The following ARMC8 variants were observed in gnomAD, a reference collection of about 807,000 sequenced individuals.
ARMC8 encodes armadillo repeat-containing protein 8.
ARMC8 carries 20 observed loss-of-function variants against 99.3 expected under a neutral mutation model. The ratio of observed to expected loss-of-function variants is 0.20; its 90% CI spans 0.14 to 0.29. The LOEUF (loss-of-function observed/expected upper bound fraction) is 0.29. Among genes scored for constraint, ARMC8 ranks in the 10% least tolerant of loss-of-function variants. The pLI is 1.00. For synonymous variants in ARMC8, 263 were observed against 278.3 expected (o/e 0.95, Z 0.55); for missense variants, 569 against 809.5 (o/e 0.70, Z 3.60).
At chr3:138,241,060 A>T (rs1375591198) in intron 10 of ARMC8, among the ~76,000 whole-genome samples, 1 of 152,248 alleles carries the variant, frequency 6.6e-6, no homozygotes, top group East Asian at 1.9e-4. Flanking sequence ...AAAAAAAAAG[A>T]AAAAGAAATA....
intron 1 of ARMC8, among the ~76,000 whole-genome samples, chr3:138,191,576 C>T (rs2043384190): frequency 6.6e-6 from 1 of 152,148 alleles, no homozygotes; most frequent in Non-Finnish European, 1.5e-5. Context: ...ACCATTACCA[C>T]CACTGTCAAG....
At chr3:138,274,849 A>C (rs1311971906) in intron 18 of ARMC8, among the ~76,000 whole-genome samples, 1 of 152,174 alleles carries the variant, frequency 6.6e-6, no homozygotes, top group African/African-American at 2.4e-5. Flanking sequence ...TCCAGGATAA[A>C]TAAGTGATTT....
chr3:138,242,703 TA>T (rs571161350), intron 11 of ARMC8, among the ~76,000 whole-genome samples: 89 of 152,312 alleles, frequency 5.8e-4, no homozygotes, highest in Non-Finnish European at 9.7e-4. Flanking sequence ...TTCATGAATG[TA>T]ACTGTATTTT....
intron 21 of ARMC8, among the ~76,000 whole-genome samples, chr3:138,295,595 G>C (rs2051411198): frequency 6.6e-6 from 1 of 152,226 alleles, no homozygotes; most frequent in South Asian, 2.1e-4. Context: ...AGGGACTGTG[G>C]AATGTCACTG....
At chr3:138,287,541 G>T in intron 19 of ARMC8, 2 of 414,082 alleles carry the variant, frequency 4.8e-6, no homozygotes, top group South Asian at 3.5e-5. Flanking sequence ...ATGCATATTT[G>T]TTATAGTATA....
At chr3:138,252,574 C>T (rs989501672) in intron 12 of ARMC8, among the ~76,000 whole-genome samples, 5 of 151,976 alleles carry the variant, frequency 3.3e-5, no homozygotes, top group South Asian at 2.1e-4. Flanking sequence ...CTGCCTCAGC[C>T]TCCCAAGTAG....
chr3:138,212,387 G>A (rs907606040), intron 2 of ARMC8, among the ~76,000 whole-genome samples: 14 of 145,100 alleles, frequency 9.6e-5, no homozygotes, highest in Admixed American at 2.9e-4. Flanking sequence ...TCGGCTCACC[G>A]CAACCTCCAC....
chr3:138,282,942 C>T (rs2050079082), intron 18 of ARMC8, among the ~76,000 whole-genome samples: 1 of 152,184 alleles, frequency 6.6e-6, no homozygotes, highest in Non-Finnish European at 1.5e-5. Context: ...GACAGTTTCA[C>T]CATGTACCAG....
In ARMC8 at chr3:138,228,977, G is replaced by A. The variant is rs1417702938; in HGVS notation, c.495G>A (p.Glu165=). The change falls in exon 6 of 22, where the codon GAG becomes GAA. Residue 165 remains glutamate, a synonymous_variant. Coordinates refer to ENST00000469044, the MANE Select transcript of ARMC8 (RefSeq NM_001363941.2). ...TTAGCAGGTCCCGCTATACCCAGGA[G>A]TACATCTGTCAGATCTTCTCACACT... ...ALLSRSRYTQ[E]YICQIFSHCC... 2 of 1,609,880 alleles carry A rather than the reference G, an allele frequency of 1.2e-6. No homozygotes were observed. Among genetic ancestry groups the A allele is most frequent in the South Asian group, 2.2e-5 (2 of 90,990 alleles).
At chr3:138,236,736 A>T (rs76440196) in intron 7 of ARMC8, among the ~76,000 whole-genome samples, 59 of 132,780 alleles carry the variant, frequency 4.4e-4, no homozygotes, top group Non-Finnish European at 3.4e-4. Flanking sequence ...GGAAAGAATT[A>T]AAAAAAAAAA....
intron 1 of ARMC8, among the ~76,000 whole-genome samples, chr3:138,190,190 G>A (rs1398476449): frequency 1.3e-5 from 2 of 151,574 alleles, no homozygotes; most frequent in African/African-American, 4.8e-5. Flanking sequence ...TCCTACAGCC[G>A]CTCCTCGGTT....
intron 20 of ARMC8, among the ~76,000 whole-genome samples, chr3:138,289,549 A>G (rs1235160641): frequency 1.3e-5 from 2 of 152,210 alleles, no homozygotes; most frequent in African/African-American, 2.4e-5. Context: ...GAGAAGTGCA[A>G]TGTGACCAGT....
chr3:138,262,597 T>G, intron 12 of ARMC8: 1 of 1,380,930 alleles, frequency 7.2e-7, no homozygotes, highest in Non-Finnish European at 9.7e-7. Flanking sequence ...CTGAGGAGAT[T>G]AAAAAAAAAA....
intron 12 of ARMC8, among the ~76,000 whole-genome samples, chr3:138,247,880 C>T (rs1466197612): frequency 6.6e-6 from 1 of 152,320 alleles, no homozygotes; most frequent in East Asian, 1.9e-4. Flanking sequence ...AACTGTATAA[C>T]ATTCCCTGGA....
chr3:138,193,123 C>T (rs572656708), intron 1 of ARMC8, among the ~76,000 whole-genome samples: 1 of 152,148 alleles, frequency 6.6e-6, no homozygotes, highest in South Asian at 2.1e-4. Flanking sequence ...TGCCCACCAC[C>T]ATGCCTGGCT....
Position 138,234,897 on chromosome 3 carries a change from GT to G in ARMC8, c.529-134del. 3 of 654,352 alleles carry G rather than the reference GT, an allele frequency of 4.6e-6. 1 individual carries two copies. In the Admixed American group the frequency reaches 9.1e-5, roughly 20 times the overall value. The allele number at this position is 654,352 out of a possible 1,614,324, so 40.5% of individuals were successfully genotyped here. ...CACAGTGTTTGTGCTGCTTTTTGAG[GT>G]TTGAGTTTATTTAAGCAAAGAGTAA... On this transcript the variant is annotated intron_variant, in intron 6 of 21. Coordinates refer to ENST00000469044, the MANE Select transcript of ARMC8 (RefSeq NM_001363941.2).
intron 19 of ARMC8, among the ~76,000 whole-genome samples, chr3:138,287,004 A>G (rs77371530): frequency 7.9e-5 from 12 of 152,090 alleles, no homozygotes; most frequent in East Asian, 3.9e-4. Context: ...CTTGAATCCA[A>G]TTACTCCTTT....
At chr3:138,261,703 A>G (rs2047761491) in intron 12 of ARMC8, 1 of 152,220 alleles carries the variant, frequency 6.6e-6, no homozygotes, top group Non-Finnish European at 1.5e-5. Flanking sequence ...AACAGGATTG[A>G]AAATGAGAGG....
chr3:138,213,066 CA>C (rs1363822966), intron 2 of ARMC8, among the ~76,000 whole-genome samples: 1 of 152,162 alleles, frequency 6.6e-6, no homozygotes, highest in Non-Finnish European at 1.5e-5. Flanking sequence ...CCTAGGAGTT[CA>C]AATCCTGCCT....
Sources: gnomAD v4.1 joint callset for allele counts (sites outside exome capture counted in the v4.1 genomes callset) on GRCh38, gnomAD v4.1.1 for gene constraint, MANE v1.5 for transcripts, NCBI Gene and HGNC (gene_info 2026-07-23, HGNC 2026-07-21) for gene names.